Variants in USP47 observed in about 807,000 individuals in gnomAD.
The protein encoded by USP47 is ubiquitin carboxyl-terminal hydrolase 47.
USP47 carries 35 observed loss-of-function variants against 165.1 expected under a neutral mutation model. The ratio of observed to expected loss-of-function variants is 0.21; its 90% CI spans 0.16 to 0.28. The LOEUF (loss-of-function observed/expected upper bound fraction) is 0.28, where lower values mean the gene tolerates loss of function less well. Among genes scored for constraint, USP47 ranks in the 10% least tolerant of loss-of-function variants. The pLI, the probability that USP47 is intolerant of heterozygous loss-of-function variation, is 1.00. For synonymous variants in USP47, 531 were observed against 544.5 expected, an observed-to-expected ratio of 0.98 and a Z score of 0.35; for missense variants, 1,277 against 1,607.4, an observed-to-expected ratio of 0.79 and a Z score of 3.52.
At chr11:11,848,609 T>C in intron 1 of USP47, among the ~76,000 whole-genome samples, 1 of 38,944 alleles carries the variant, frequency 2.6e-5, no homozygotes, top group Admixed American at 1.6e-4. Flanking sequence ...AAACTGGCAT[T>C]TTTTTTTTTT....
At chr11:11,894,879 TC>T in intron 4 of USP47, among the ~76,000 whole-genome samples, 1 of 151,970 alleles carries the variant, frequency 6.6e-6, no homozygotes, top group East Asian at 1.9e-4. Flanking sequence ...TGGCACCACT[TC>T]TAGCAATTTT....
At chr11:11,859,724 G>A (rs958941576) in intron 1 of USP47, among the ~76,000 whole-genome samples, 3 of 152,152 alleles carry the variant, frequency 2.0e-5, no homozygotes, top group Admixed American at 2.0e-4. Flanking sequence ...GGTAGTAACT[G>A]ATAGTTCTCT....
intron 5 of USP47, among the ~76,000 whole-genome samples, chr11:11,898,212 A>G (rs1022502802): frequency 6.6e-6 from 1 of 152,112 alleles, no homozygotes; most frequent in African/African-American, 2.4e-5. Context: ...GAGGAAGTCT[A>G]TGTTTAAGTA....
chr11:11,905,034 CATCTT>C (rs1191438925), intron 7 of USP47, among the ~76,000 whole-genome samples: 12 of 151,944 alleles, frequency 7.9e-5, no homozygotes, highest in African/African-American at 2.7e-4. Flanking sequence ...GATTTACTCT[CATCTT>C]AATGTAAAGA....
At chr11:11,867,156 C>G (rs919402391) in intron 1 of USP47, among the ~76,000 whole-genome samples, 1 of 152,184 alleles carries the variant, frequency 6.6e-6, no homozygotes, top group African/African-American at 2.4e-5. Flanking sequence ...CCGGCCCTTT[C>G]AAAGTGTTGG....
intron 14 of USP47, among the ~76,000 whole-genome samples, chr11:11,931,569 C>T (rs1223026769): frequency 3.3e-5 from 5 of 152,160 alleles, no homozygotes; most frequent in Non-Finnish European, 5.9e-5. Context: ...ATTCATGTCC[C>T]TCACGTGGAC....
At chr11:11,913,508 C>A (rs1853172515) in intron 8 of USP47, among the ~76,000 whole-genome samples, 1 of 151,396 alleles carries the variant, frequency 6.6e-6, no homozygotes, top group Non-Finnish European at 1.5e-5. Flanking sequence ...TAAGCTAGGA[C>A]CAGAAAGACA....
intron 16 of USP47, among the ~76,000 whole-genome samples, chr11:11,934,444 A>G (rs1028988798): frequency 2.6e-5 from 4 of 152,166 alleles, no homozygotes; most frequent in African/African-American, 9.7e-5. Context: ...TTGAAACTTT[A>G]ACCATGAGAA....
chr11:11,933,780 G>T (rs751266285), intron 15 of USP47, 51 bp from the exon 16 acceptor site: 1 of 1,284,092 alleles, frequency 7.8e-7, no homozygotes, highest in South Asian at 1.2e-5. Context: ...ATCTACGGAA[G>T]AATTGAACTT....
rs577516633 is a variant in USP47, at chr11:11,903,498, C to T, written c.819+156C>T. ...TTGAAAGTACTGAGTTCTCATTTAG[C>T]CATTAACTGAGTTATAAATACCATC... On this transcript the variant is annotated intron_variant, in intron 7 of 27. Coordinates refer to ENST00000527733, the MANE Select transcript of USP47 (RefSeq NM_001282659.2). 4.6e-5 allele frequency among the ~76,000 whole-genome samples: 7 copies of T among 152,194 alleles called. No homozygotes were observed. The South Asian group carries it at 1.5e-3, about 32-fold the overall frequency.
At chr11:11,940,144 G>A (rs1015749578) in intron 18 of USP47, among the ~76,000 whole-genome samples, 12 of 151,924 alleles carry the variant, frequency 7.9e-5, no homozygotes, top group African/African-American at 2.9e-4. Context: ...CATTTACTTG[G>A]CAAGTTTGAG....
rs77892894 is a variant in USP47 at position 11,909,688 on chromosome 11, A to G, written c.969+4140A>G. Among the ~76,000 whole-genome samples the G allele has an allele frequency of 3.3e-5, 5 of 152,318 alleles. No homozygotes were observed. In the East Asian group the frequency reaches 9.6e-4, roughly 29 times the overall value. ...TATTGTTCATTACGTACATTTAAAT[A>G]CCTGTTTATTATGACAAAAACGTGT... is the stretch of plus-strand genomic sequence containing the variant. On this transcript the variant is annotated intron_variant, in intron 8 of 27. Transcript: ENST00000527733.
chr11:11,852,847 T>A (rs553426922), intron 1 of USP47, among the ~76,000 whole-genome samples: 1 of 152,336 alleles, frequency 6.6e-6, no homozygotes, highest in South Asian at 2.1e-4. Context: ...CAAACCACAT[T>A]CCACTACATT....
intron 2 of USP47, among the ~76,000 whole-genome samples, chr11:11,883,529 A>G (rs895161668): frequency 1.3e-5 from 2 of 152,244 alleles, no homozygotes; most frequent in Non-Finnish European, 2.9e-5. Flanking sequence ...TACAACGTTA[A>G]TCAGTGTTAA....
At chr11:11,900,823 A>G (rs779664434) in intron 5 of USP47, among the ~76,000 whole-genome samples, 63 of 152,254 alleles carry the variant, frequency 4.1e-4, no homozygotes, top group Non-Finnish European at 8.1e-4. Flanking sequence ...TATTTGTACC[A>G]GGACTAAAGG....
chr11:11,844,108 G>T (rs1234334695), intron 1 of USP47, among the ~76,000 whole-genome samples: 2 of 151,984 alleles, frequency 1.3e-5, no homozygotes, highest in Admixed American at 6.6e-5. Context: ...TTTGCTTCTG[G>T]ATTACTGGAA....
In USP47 at chr11:11,892,027, A is replaced by G. The variant is rs1221724254; in HGVS notation, c.417A>G (p.Arg139=). ...VHDRFIGPLP[R]EGSGGSTSDY... The stretch of plus-strand genomic sequence containing the variant: ...ACAGGTTTATAGGTCCGCTTCCAAG[A>G]GAAGGTTCTGGGGGTTCTACCAGTG... The change falls in exon 4 of 28, where the codon AGA becomes AGG. Residue 139 remains arginine (R), a synonymous_variant. Coordinates refer to ENST00000527733, the MANE Select transcript of USP47 (RefSeq NM_001282659.2). 3 of 1,613,954 alleles carry G rather than the reference A, an allele frequency of 1.9e-6. No homozygotes were observed. The highest frequency in any genetic ancestry group is 4.5e-5 in the East Asian group (2 of 44,870).
chr11:11,958,759 T>G lies in USP47; in HGVS notation c.*2584T>G, dbSNP rs575336607. 6.6e-6 allele frequency: 1 copy of G among 152,272 alleles called. No homozygotes were observed. Among genetic ancestry groups the G allele is most frequent in the Non-Finnish European group, 1.5e-5 (1 of 68,078 alleles). The allele number at this position is 152,272 out of a possible 1,614,324, so 9.4% of individuals were successfully genotyped here. A position where few individuals can be genotyped will look rare whatever the true frequency, so the allele number is the denominator to read the frequency against. Reference sequence around the variant, plus strand: ...TGGCCAAAGAAACAAAAGCTGTGGTTTCAGGACCATGCCGTGTGTAGCTGA... The same window carrying G: ...TGGCCAAAGAAACAAAAGCTGTGGTGTCAGGACCATGCCGTGTGTAGCTGA... On this transcript the variant is annotated 3_prime_UTR_variant, in exon 28 of 28. Transcript: ENST00000527733.
At chr11:11,905,734 A>G (rs529054329) in intron 8 of USP47, among the ~76,000 whole-genome samples, 186 bp downstream of exon 8, 22 of 152,218 alleles carry the variant, frequency 1.4e-4, no homozygotes, top group Admixed American at 3.3e-4. Flanking sequence ...TAGTGCATGT[A>G]TTATAAGAGA....
Sources: allele counts gnomAD v4.1 joint callset (sites outside exome capture counted in the v4.1 genomes callset), GRCh38; gene constraint gnomAD v4.1.1; transcripts MANE v1.5; gene names NCBI Gene and HGNC (gene_info 2026-07-23, HGNC 2026-07-21).